RORA: variants seen among roughly 807,000 people sequenced by gnomAD.
RORA encodes RAR related orphan receptor A.
RORA carries 7 observed loss-of-function variants against 69.5 expected under a neutral mutation model. The ratio of observed to expected loss-of-function variants is 0.10; its 90% CI spans 0.06 to 0.19. The LOEUF (loss-of-function observed/expected upper bound fraction) is 0.19. Ranked by LOEUF, RORA falls within the 10% of genes least tolerant of loss-of-function variation. The pLI is 1.00. For synonymous variants in RORA, 261 were observed against 240.8 expected (o/e 1.08, Z -0.78); for missense variants, 457 against 663.0 (o/e 0.69, Z 3.41).
chr15:60,980,985 G>A (rs906473827), intron 1 of RORA, among the ~76,000 whole-genome samples: 8 of 151,594 alleles, frequency 5.3e-5, no homozygotes, highest in Admixed American at 1.3e-4. Context: ...TTTTTATGTA[G>A]GTCAGGTGTC....
At chr15:60,914,404 C>T (rs190274379) in intron 1 of RORA, among the ~76,000 whole-genome samples, 47 of 152,276 alleles carry the variant, frequency 3.1e-4, no homozygotes, top group African/African-American at 1.1e-3. Context: ...AGCCACTCCT[C>T]CTTACATACA....
At chr15:61,038,527 C>T (rs551392897) in intron 1 of RORA, among the ~76,000 whole-genome samples, 20 of 152,206 alleles carry the variant, frequency 1.3e-4, no homozygotes, top group Non-Finnish European at 2.4e-4. Flanking sequence ...GCCAATCAGT[C>T]ATTATGTCAG....
intron 3 of RORA, among the ~76,000 whole-genome samples, chr15:60,526,693 G>C (rs2066368351): frequency 6.6e-6 from 1 of 152,144 alleles, no homozygotes; most frequent in African/African-American, 2.4e-5. Context: ...TAAATGCCCA[G>C]CTCTAATACT....
At chr15:60,779,439 T>C (rs542568009) in intron 1 of RORA, among the ~76,000 whole-genome samples, 32 of 152,244 alleles carry the variant, frequency 2.1e-4, no homozygotes, top group Middle Eastern at 3.4e-3. Context: ...GAATGGAGGC[T>C]TGGGTTTTAC....
chr15:60,608,475 G>T (rs2069003856), intron 2 of RORA, among the ~76,000 whole-genome samples: 1 of 152,174 alleles, frequency 6.6e-6, no homozygotes, highest in African/African-American at 2.4e-5. Flanking sequence ...TGGTTCAGCA[G>T]ATCACACCGC....
chr15:60,967,954 A>G (rs553402331), intron 1 of RORA, among the ~76,000 whole-genome samples: 1 of 152,346 alleles, frequency 6.6e-6, no homozygotes, highest in South Asian at 2.1e-4. Flanking sequence ...CACAGAACAC[A>G]CTTGAAACAT....
chr15:61,085,640 C>G (rs2078614203), intron 1 of RORA, among the ~76,000 whole-genome samples: 3 of 152,232 alleles, frequency 2.0e-5, no homozygotes, highest in Non-Finnish European at 4.4e-5. Context: ...CCCTTTCACT[C>G]CTTACATCCC....
At chr15:60,575,778 A>G (rs1403444758) in intron 2 of RORA, among the ~76,000 whole-genome samples, 2 of 152,254 alleles carry the variant, frequency 1.3e-5, no homozygotes, top group African/African-American at 4.8e-5. Context: ...AAGTTCAGTT[A>G]GCCAGAAAAT....
At chr15:60,837,459 G>A (rs1213339959) in intron 1 of RORA, among the ~76,000 whole-genome samples, 1 of 152,210 alleles carries the variant, frequency 6.6e-6, no homozygotes, top group Non-Finnish European at 1.5e-5. Context: ...GCAGCACACT[G>A]CCAACCTCAC....
At chr15:61,042,549 C>T (rs1896831120) in intron 1 of RORA, among the ~76,000 whole-genome samples, 1 of 152,182 alleles carries the variant, frequency 6.6e-6, no homozygotes, top group Non-Finnish European at 1.5e-5. Context: ...CTTTCTTTAC[C>T]TAATGCATTT....
chr15:60,723,287 G>T (rs1472245863), intron 1 of RORA, among the ~76,000 whole-genome samples: 1 of 151,990 alleles, frequency 6.6e-6, no homozygotes, highest in Non-Finnish European at 1.5e-5. Flanking sequence ...TGCGCATATA[G>T]GTTGAAAAAG....
intron 2 of RORA, among the ~76,000 whole-genome samples, chr15:60,554,396 T>A (rs2067302847): frequency 1.3e-5 from 2 of 152,152 alleles, no homozygotes; most frequent in Non-Finnish European, 2.9e-5. Context: ...TTGCAATATT[T>A]TTGGCACTAA....
chr15:60,750,796 A>C (rs2071713091), intron 1 of RORA, among the ~76,000 whole-genome samples: 1 of 152,224 alleles, frequency 6.6e-6, no homozygotes, highest in Non-Finnish European at 1.5e-5. Context: ...GTATTCTAGC[A>C]GTTGCTTCAG....
At chr15:60,807,717 T>C (rs559582381) in intron 1 of RORA, among the ~76,000 whole-genome samples, 3 of 152,212 alleles carry the variant, frequency 2.0e-5, no homozygotes, top group South Asian at 2.1e-4. Context: ...GATCTTGGTA[T>C]AAAAATAGGC....
At chr15:60,780,873 G>A (rs1005388308) in intron 1 of RORA, among the ~76,000 whole-genome samples, 1 of 152,184 alleles carries the variant, frequency 6.6e-6, no homozygotes, top group Non-Finnish European at 1.5e-5. Flanking sequence ...AAGAGAAAAA[G>A]CACTCTGATA....
intron 1 of RORA, 85 bp from the exon 2 acceptor site, chr15:60,678,771 A>G: frequency 8.3e-7 from 1 of 1,201,226 alleles, no homozygotes; most frequent in South Asian, 1.2e-5. Context: ...TGTGCTCAGG[A>G]AGGCGTTTAG....
chr15:60,629,583 TGAG>T (rs1892206825), intron 2 of RORA, among the ~76,000 whole-genome samples: 1 of 152,112 alleles, frequency 6.6e-6, no homozygotes, highest in African/African-American at 2.4e-5. Context: ...AGAAGATATG[TGAG>T]GAGTTGCTGT....
intron 1 of RORA, among the ~76,000 whole-genome samples, chr15:61,161,552 T>C (rs1204613591): frequency 6.6e-6 from 1 of 152,180 alleles, no homozygotes; most frequent in Non-Finnish European, 1.5e-5. Context: ...GCTCCATAAA[T>C]GTCAGTTTTC....
At chr15:61,197,397 G>A (rs937959375) in intron 1 of RORA, among the ~76,000 whole-genome samples, 15 of 152,214 alleles carry the variant, frequency 9.9e-5, no homozygotes, top group East Asian at 1.9e-4. Context: ...GAGCCGAACC[G>A]CGGCCTGAGT....
Sources: allele counts gnomAD v4.1 joint callset (sites outside exome capture counted in the v4.1 genomes callset), GRCh38; gene constraint gnomAD v4.1.1; transcripts MANE v1.5; gene names NCBI Gene and HGNC (gene_info 2026-07-23, HGNC 2026-07-21).